EPHA3: variants seen among roughly 807,000 people sequenced by gnomAD.
EPHA3 encodes the protein EPH receptor A3.
EPHA3 carries 42 observed loss-of-function variants against 107.1 expected under a neutral mutation model. The ratio of observed to expected loss-of-function variants is 0.39; its 90% CI spans 0.31 to 0.51. The LOEUF (loss-of-function observed/expected upper bound fraction) is 0.51. EPHA3 is among the 20% of genes least tolerant of loss of function. EPHA3 has a pLI of 0.78. For missense variants in EPHA3, 1,183 were observed against 1,211.2 expected, an observed-to-expected ratio of 0.98 and a Z score of 0.35; for synonymous variants, 461 against 424.8, an observed-to-expected ratio of 1.09 and a Z score of -1.05.
chr3:89,344,161 G>A (rs1259292386), intron 5 of EPHA3, among the ~76,000 whole-genome samples: 1 of 152,090 alleles, frequency 6.6e-6, no homozygotes, highest in African/African-American at 2.4e-5. Flanking sequence ...ACAAACAAGA[G>A]CTCCTTATTT....
chr3:89,158,723 A>G (rs1357192322), intron 2 of EPHA3, among the ~76,000 whole-genome samples: 2 of 152,112 alleles, frequency 1.3e-5, no homozygotes, highest in Non-Finnish European at 2.9e-5. Flanking sequence ...CTTCTCAGCA[A>G]CAACTGCAAC....
At chr3:89,156,723 A>G (rs1576190737) in intron 2 of EPHA3, among the ~76,000 whole-genome samples, 1 of 152,178 alleles carries the variant, frequency 6.6e-6, no homozygotes, top group Non-Finnish European at 1.5e-5. Flanking sequence ...GCAAAAGCTA[A>G]AAGATGTTTT....
intron 9 of EPHA3, 72 bp downstream of exon 9, chr3:89,408,203 T>C: frequency 7.0e-7 from 1 of 1,432,482 alleles, no homozygotes; most frequent in Non-Finnish European, 9.8e-7. Context: ...TTACAATTGG[T>C]TAACTTCCTC....
intron 5 of EPHA3, among the ~76,000 whole-genome samples, chr3:89,383,025 T>G (rs933860248): frequency 3.3e-5 from 5 of 152,212 alleles, no homozygotes; most frequent in Non-Finnish European, 5.9e-5. Flanking sequence ...ACCATATGTT[T>G]TACTTCTTTT....
At chr3:89,478,317 G>A (rs1478762241) in intron 16 of EPHA3, among the ~76,000 whole-genome samples, 1 of 152,178 alleles carries the variant, frequency 6.6e-6, no homozygotes, top group African/African-American at 2.4e-5. Context: ...CTGCACAGCA[G>A]CCTCCCCGAA....
In EPHA3 at chr3:89,277,885, A is replaced by G. The variant is rs1040605088; in HGVS notation, c.815-63031A>G. On this transcript the variant is annotated intron_variant, in intron 3 of 16. Transcript: ENST00000336596. ...ACAATGATTCTCTTTTGGACCCTCC[A>G]TGGATGGTGAATATAATTTCAATGG... is the stretch of plus-strand genomic sequence containing the variant. Among the ~76,000 whole-genome samples, 21 of 152,272 alleles carry G rather than the reference A, an allele frequency of 1.4e-4. 1 individual carries two copies. The highest frequency in any genetic ancestry group is 1.4e-3 in the Admixed American group (21 of 15,272).
intron 15 of EPHA3, 72 bp from the exon 16 acceptor site, chr3:89,472,392 G>A (rs1710420735): frequency 2.7e-6 from 4 of 1,480,392 alleles, no homozygotes; most frequent in African/African-American, 1.4e-5. Context: ...GCCGATGTTA[G>A]TGTCAAATTT....
intron 2 of EPHA3, among the ~76,000 whole-genome samples, chr3:89,151,097 T>C (rs1704681359): frequency 6.6e-6 from 1 of 152,022 alleles, no homozygotes; most frequent in African/African-American, 2.4e-5. Context: ...ATGAAAAAGA[T>C]AAAAATTATA....
chr3:89,426,194 C>T (rs914947701), intron 11 of EPHA3, among the ~76,000 whole-genome samples: 1 of 151,680 alleles, frequency 6.6e-6, no homozygotes. Flanking sequence ...CAAAATACAC[C>T]TGGAAGAGCA....
chr3:89,418,575 A>T (rs936555402), intron 10 of EPHA3, among the ~76,000 whole-genome samples: 1 of 151,354 alleles, frequency 6.6e-6, no homozygotes, highest in African/African-American at 2.4e-5. Flanking sequence ...ATTGAAGAAG[A>T]TGAATCTAAA....
chr3:89,280,568 T>C (rs947713807), intron 3 of EPHA3, among the ~76,000 whole-genome samples: 1 of 152,196 alleles, frequency 6.6e-6, no homozygotes, highest in African/African-American at 2.4e-5. Flanking sequence ...GAGTCACGTG[T>C]GGTATAATTG....
chr3:89,144,940 C>T (rs191738802), intron 2 of EPHA3, among the ~76,000 whole-genome samples: 3 of 151,802 alleles, frequency 2.0e-5, no homozygotes, highest in Admixed American at 2.0e-4. Flanking sequence ...TAAGAAATAA[C>T]AATCATATCG....
intron 10 of EPHA3, among the ~76,000 whole-genome samples, chr3:89,413,965 C>T (rs1038659288): frequency 3.3e-5 from 5 of 151,590 alleles, no homozygotes; most frequent in Admixed American, 6.6e-5. Flanking sequence ...GTGCAGTATG[C>T]ATGGAAGTAA....
At chr3:89,443,462 T>C (rs1362624205) in intron 13 of EPHA3, among the ~76,000 whole-genome samples, 5 of 152,182 alleles carry the variant, frequency 3.3e-5, no homozygotes, top group East Asian at 3.8e-4. Flanking sequence ...GAAAGCAGTA[T>C]GATTTAAGAA....
intron 3 of EPHA3, among the ~76,000 whole-genome samples, chr3:89,275,900 C>A (rs757216871): frequency 6.6e-6 from 1 of 151,942 alleles, no homozygotes; most frequent in Non-Finnish European, 1.5e-5. Context: ...AAAGGGAATG[C>A]AATGCAATGC....
intron 3 of EPHA3, among the ~76,000 whole-genome samples, chr3:89,313,768 A>T (rs553314090): frequency 6.6e-6 from 1 of 152,112 alleles, no homozygotes; most frequent in South Asian, 2.1e-4. Context: ...ATGGTAACAA[A>T]AAGTGAATAA....
At chr3:89,252,220 A>G (rs1044351178) in intron 3 of EPHA3, among the ~76,000 whole-genome samples, 1 of 152,172 alleles carries the variant, frequency 6.6e-6, no homozygotes, top group African/African-American at 2.4e-5. Context: ...ACCAATGATA[A>G]TTAATGTTTC....
chr3:89,305,292 T>C (rs1393361421), intron 3 of EPHA3, among the ~76,000 whole-genome samples: 1 of 152,172 alleles, frequency 6.6e-6, no homozygotes, highest in Non-Finnish European at 1.5e-5. Context: ...ATAAAAATTA[T>C]CATTTAATGA....
At chr3:89,356,483 T>C (rs908486969) in intron 5 of EPHA3, among the ~76,000 whole-genome samples, 1 of 151,212 alleles carries the variant, frequency 6.6e-6, no homozygotes, top group African/African-American at 2.4e-5. Context: ...CTCCACATCC[T>C]CTCCAGCACC....
Sources: allele counts gnomAD v4.1 joint callset (sites outside exome capture counted in the v4.1 genomes callset), GRCh38; gene constraint gnomAD v4.1.1; transcripts MANE v1.5; gene names NCBI Gene and HGNC (gene_info 2026-07-23, HGNC 2026-07-21).